The following BCKDHB variants were observed in gnomAD, a reference collection of about 807,000 sequenced individuals.
BCKDHB encodes the protein 2-oxoisovalerate dehydrogenase subunit beta, mitochondrial.
BCKDHB carries 41 observed loss-of-function variants against 48.5 expected under a neutral mutation model. The ratio of observed to expected loss-of-function variants is 0.85; its 90% CI spans 0.66 to 1.10. BCKDHB has a LOEUF of 1.10. Among genes scored for constraint, BCKDHB ranks in the 50% least tolerant of loss-of-function variants. The pLI, the probability that BCKDHB is intolerant of heterozygous loss-of-function variation, is 0.00. For missense variants in BCKDHB, 496 were observed against 494.2 expected (o/e 1.00, Z -0.03); for synonymous variants, 201 against 174.8 (o/e 1.15, Z -1.18).
chr6:80,214,628 G>C (rs1046080339), intron 8 of BCKDHB, among the ~76,000 whole-genome samples: 1 of 152,172 alleles, frequency 6.6e-6, no homozygotes, highest in Non-Finnish European at 1.5e-5. Context: ...GCCTCTCTTA[G>C]GCCAAGTTTC....
intron 8 of BCKDHB, among the ~76,000 whole-genome samples, chr6:80,237,839 A>G (rs1776208291): frequency 6.6e-6 from 1 of 152,250 alleles, no homozygotes; most frequent in African/African-American, 2.4e-5. Context: ...TTACATAAGT[A>G]GAAAAGGTTC....
chr6:80,273,305 A>AT (rs1385697849), intron 9 of BCKDHB, 84 bp downstream of exon 9: 1 of 1,131,428 alleles, frequency 8.8e-7, no homozygotes, highest in Non-Finnish European at 1.3e-6. Context: ...TTATCACAAT[A>AT]TGTGAAAGCA....
intron 3 of BCKDHB, among the ~76,000 whole-genome samples, chr6:80,140,136 AT>A (rs749603838): frequency 7.2e-5 from 11 of 152,070 alleles, no homozygotes; most frequent in Non-Finnish European, 1.5e-4. Context: ...AATGCTTGTG[AT>A]TTTTGTACAT....
intron 8 of BCKDHB, among the ~76,000 whole-genome samples, chr6:80,250,849 C>T (rs1776810227): frequency 6.6e-6 from 1 of 152,134 alleles, no homozygotes; most frequent in Non-Finnish European, 1.5e-5. Context: ...CTAGTCCTAA[C>T]CCCACATCTG....
At chr6:80,357,695 T>A in the BCKDHB span, among the ~76,000 whole-genome samples, 1,186 of 152,336 alleles carry the variant, frequency 7.8e-3, 7 homozygotes, top group Non-Finnish European at 0.011. Context: ...GCCTGGAGTT[T>A]GGATGGCTGT....
chr6:80,194,905 T>C (rs1424523110), intron 6 of BCKDHB, among the ~76,000 whole-genome samples: 1 of 152,198 alleles, frequency 6.6e-6, no homozygotes, highest in Non-Finnish European at 1.5e-5. Context: ...AGTAAAACCT[T>C]GTCATGCTTA....
intron 3 of BCKDHB, among the ~76,000 whole-genome samples, chr6:80,151,603 C>T (rs1771782494): frequency 6.6e-6 from 1 of 152,034 alleles, no homozygotes; most frequent in Non-Finnish European, 1.5e-5. Context: ...CAGGTTAAAA[C>T]TGATTCTTCA....
chr6:80,402,083 C>A, the BCKDHB span, among the ~76,000 whole-genome samples: 11 of 151,708 alleles, frequency 7.3e-5, no homozygotes. Flanking sequence ...CATGGGGGAG[C>A]AGATTTCTCT....
At chr6:80,201,182 C>A in intron 7 of BCKDHB, 151 bp downstream of exon 7, 1 of 715,382 alleles carries the variant, frequency 1.4e-6, no homozygotes, top group Non-Finnish European at 2.5e-6. Context: ...TTTCCCTCAA[C>A]TTTATTGGTG....
chr6:80,312,230 CTGT>C (rs199805596), intron 9 of BCKDHB, among the ~76,000 whole-genome samples: 2,332 of 152,158 alleles, frequency 0.015, 81 homozygotes, highest in African/African-American at 0.053. Context: ...CTTGGCTTGC[CTGT>C]TGTTAGTGTA....
chr6:80,119,444 G>A (rs1342161236), intron 1 of BCKDHB, among the ~76,000 whole-genome samples: 1 of 152,026 alleles, frequency 6.6e-6, no homozygotes, highest in Non-Finnish European at 1.5e-5. Context: ...TTAGCCTCCT[G>A]AGTAGCTGGG....
chr6:80,215,158 G>A (rs990712008), intron 8 of BCKDHB, among the ~76,000 whole-genome samples: 4 of 152,202 alleles, frequency 2.6e-5, no homozygotes, highest in Admixed American at 1.3e-4. Flanking sequence ...CTCATTTTGT[G>A]TGAGTTTGGA....
chr6:80,342,583 AG>A (rs1175606515), intron 9 of BCKDHB, among the ~76,000 whole-genome samples: 1,478 of 128,126 alleles, frequency 0.012, 190 homozygotes, highest in African/African-American at 0.042. Flanking sequence ...AAAAAAAGAA[AG>A]GGAAGAAAGG....
intron 9 of BCKDHB, among the ~76,000 whole-genome samples, chr6:80,276,451 A>G (rs1347372742): frequency 2.0e-5 from 3 of 151,994 alleles, no homozygotes; most frequent in Non-Finnish European, 4.4e-5. Context: ...ATTTTTAGAT[A>G]GAAAAATTAT....
intron 8 of BCKDHB, among the ~76,000 whole-genome samples, chr6:80,225,468 A>T (rs1775642198): frequency 6.6e-6 from 1 of 152,228 alleles, no homozygotes; most frequent in Non-Finnish European, 1.5e-5. Context: ...TTAATTTTTA[A>T]CAGCACTATT....
At chr6:80,264,073 A>G (rs1777412376) in intron 8 of BCKDHB, among the ~76,000 whole-genome samples, 1 of 152,214 alleles carries the variant, frequency 6.6e-6, no homozygotes, top group Non-Finnish European at 1.5e-5. Context: ...ACTTGTTTCT[A>G]ACAAAAATAA....
chr6:80,133,668 A>C (rs530675689), intron 3 of BCKDHB, among the ~76,000 whole-genome samples: 1 of 151,652 alleles, frequency 6.6e-6, no homozygotes, highest in East Asian at 1.9e-4. Flanking sequence ...TTTAAGACAG[A>C]GTCTTGCTCT....
intron 9 of BCKDHB, among the ~76,000 whole-genome samples, chr6:80,314,848 G>T (rs945912948): frequency 6.6e-6 from 1 of 152,214 alleles, no homozygotes; most frequent in Non-Finnish European, 1.5e-5. Context: ...ATAGATCGGG[G>T]TCCTGCTTGA....
At chr6:80,306,561 T>C (rs1417406936) in intron 9 of BCKDHB, among the ~76,000 whole-genome samples, 2 of 152,186 alleles carry the variant, frequency 1.3e-5, no homozygotes, top group African/African-American at 4.8e-5. Flanking sequence ...AAGCCAGCCA[T>C]TCACAGAAAT....
Sources: gnomAD v4.1 joint callset for allele counts (sites outside exome capture counted in the v4.1 genomes callset) on GRCh38, gnomAD v4.1.1 for gene constraint, MANE v1.5 for transcripts, NCBI Gene and HGNC (gene_info 2026-07-23, HGNC 2026-07-21) for gene names.